SLC35F2: variants seen among roughly 807,000 people sequenced by gnomAD.
The protein encoded by SLC35F2 is solute carrier family 35 member F2.
In SLC35F2, 25 loss-of-function variants were observed where a neutral mutation model predicts 38.1. The observed-to-expected ratio is 0.66, with a 90% CI of 0.48 to 0.92. SLC35F2 has a LOEUF of 0.92. Ranked by LOEUF, SLC35F2 falls within the 40% of genes least tolerant of loss-of-function variation. The pLI is 0.00. For synonymous variants in SLC35F2, 173 were observed against 181.7 expected (o/e 0.95, Z 0.38); for missense variants, 409 against 452.9 (o/e 0.90, Z 0.88).
At chr11:107,844,198 G>C (rs567931409) in intron 1 of SLC35F2, among the ~76,000 whole-genome samples, 1 of 152,096 alleles carries the variant, frequency 6.6e-6, no homozygotes, top group Non-Finnish European at 1.5e-5. Context: ...GACTGCCTGA[G>C]GGGGAAGCCT....
chr11:107,843,672 T>C (rs911930447), intron 1 of SLC35F2, among the ~76,000 whole-genome samples: 7 of 150,778 alleles, frequency 4.6e-5, no homozygotes, highest in Non-Finnish European at 1.0e-4. Flanking sequence ...CTGGGCAAAA[T>C]AGCAAGACCC....
chr11:107,828,433 CA>C (rs201937489), intron 1 of SLC35F2, among the ~76,000 whole-genome samples: 9,947 of 88,454 alleles, frequency 0.11, 454 homozygotes, highest in African/African-American at 0.18. Flanking sequence ...AACTCCATCT[CA>C]AAAAAAAAAA....
At chr11:107,813,733 T>G (rs1198572521) in intron 2 of SLC35F2, among the ~76,000 whole-genome samples, 1 of 152,146 alleles carries the variant, frequency 6.6e-6, no homozygotes, top group Non-Finnish European at 1.5e-5. Context: ...TGGTGTGATC[T>G]TGGCTCACTG....
chr11:107,818,104 G>A (rs1199991884), intron 1 of SLC35F2, among the ~76,000 whole-genome samples: 1 of 129,648 alleles, frequency 7.7e-6, no homozygotes, highest in Non-Finnish European at 1.6e-5. Context: ...AAGAAAGAAA[G>A]AAAGAAAGAA....
Position 107,811,782 on chromosome 11 carries a change from A to T in SLC35F2, c.299T>A (p.Leu100His). ...CCATTTTCTTTTCAAGATTACTAAA[A>T]GGTTATCACTGCCTGGTTGAAAGAA... ...MLAFRSGSDN[L>H]LVILKRKWWK... The change falls in exon 3 of 8, where the codon CTT (leucine) becomes CAT (histidine). Residue 100 changes from leucine (L) to histidine (H), a missense_variant. Physicochemically the swap from Leu to His is moderately conservative, Grantham distance 99 (BLOSUM62 -3). Transcript: ENST00000525815. 6.2e-7 allele frequency: 1 copy of T among 1,613,872 alleles called. No individual in the cohort carries two copies. The highest frequency in any genetic ancestry group is 8.5e-7 in the Non-Finnish European group (1 of 1,179,820).
intron 1 of SLC35F2, among the ~76,000 whole-genome samples, chr11:107,828,699 A>G (rs895458823): frequency 6.6e-6 from 1 of 152,146 alleles, no homozygotes; most frequent in African/African-American, 2.4e-5. Context: ...CTAATAAAAT[A>G]ATGGATCTAG....
intron 1 of SLC35F2, among the ~76,000 whole-genome samples, chr11:107,829,312 G>A (rs1041392381): frequency 6.6e-6 from 1 of 151,622 alleles, no homozygotes; most frequent in Non-Finnish European, 1.5e-5. Flanking sequence ...CCAGCTACTT[G>A]GGAGGCTGAA....
intron 1 of SLC35F2, among the ~76,000 whole-genome samples, chr11:107,824,448 T>C (rs1175493416): frequency 6.6e-6 from 1 of 152,154 alleles, no homozygotes; most frequent in East Asian, 1.9e-4. Context: ...GGATTTAAAT[T>C]TGAAACATGA....
In SLC35F2 at chr11:107,818,072, A is replaced by AAAAGAAAGAAAGAAAG. The variant is rs1163903791; in HGVS notation, c.111-2123_111-2108dup. Among the ~76,000 whole-genome samples, 533 of 68,446 alleles carry AAAAGAAAGAAAGAAAG rather than the reference A, an allele frequency of 7.8e-3. 5 individuals are homozygous for AAAAGAAAGAAAGAAAG. The highest frequency in any genetic ancestry group is 0.016 in the East Asian group (38 of 2,306). 44.9% of individuals were successfully genotyped at this position (68,446 alleles called of 152,430 possible). A position where few individuals can be genotyped will look rare whatever the true frequency, so the allele number is the denominator to read the frequency against. On this transcript the variant is annotated intron_variant, in intron 1 of 7. Transcript: ENST00000525815. The stretch of plus-strand genomic sequence containing the variant: ...ACTCTGTCTCAAAAAAAAAAAAAAA[A>AAAAGAAAGAAAGAAAG]AAAGAAAGAAAGAAAGAAAGAAAGA...
chr11:107,841,126 A>G lies in SLC35F2; in HGVS notation c.110+17532T>C, dbSNP rs78974150. Reference sequence around the variant, plus strand: ...ACACAAGAACGAGGATTATCGGGGAACCTGATGCAAGCCCAAAATTTTGTC... The same window carrying G: ...ACACAAGAACGAGGATTATCGGGGAGCCTGATGCAAGCCCAAAATTTTGTC... On this transcript the variant is annotated intron_variant, in intron 1 of 7. Transcript: ENST00000525815. Among the ~76,000 whole-genome samples, 1,005 of 152,306 alleles carry G rather than the reference A, an allele frequency of 6.6e-3. 2 individuals carry two copies. The highest frequency in any genetic ancestry group is 9.6e-3 in the Non-Finnish European group (653 of 68,020).
rs1859125665 is a variant in SLC35F2 at position 107,791,236 on chromosome 11, C to G, written c.*1379G>C. The G allele has an allele frequency of 6.6e-6, 1 of 152,550 alleles. No homozygotes were observed. The allele number at this position is 152,550 out of a possible 1,614,324, so 9.4% of individuals were successfully genotyped here. A position where few individuals can be genotyped will look rare whatever the true frequency, so the allele number is the denominator to read the frequency against. The stretch of plus-strand genomic sequence containing the variant: ...TAACAGCTGGAGGCTCCCAGGCATA[C>G]TCTTTGGTGAGAAATGATTAATTTT... On this transcript the variant is annotated 3_prime_UTR_variant, in exon 8 of 8. Transcript: ENST00000525815.
chr11:107,812,308 A>G (rs768254670), intron 2 of SLC35F2, among the ~76,000 whole-genome samples: 72 of 152,200 alleles, frequency 4.7e-4, no homozygotes, highest in South Asian at 8.3e-4. Flanking sequence ...ATGAAACCCT[A>G]GTTAAAGTAT....
chr11:107,791,280 G>T lies in SLC35F2; in HGVS notation c.*1335C>A. The T allele has an allele frequency of 6.6e-6, 1 of 152,380 alleles. No individual in the cohort carries two copies. The highest frequency in any genetic ancestry group is 2.4e-5 in the African/African-American group (1 of 41,568). 9.4% of individuals were successfully genotyped at this position (152,380 alleles called of 1,614,324 possible). ...TAATTTTATATTTTCATTTTGATGA[G>T]AATCTTTTCTTGTTTTTACCAGTTA... On this transcript the variant is annotated 3_prime_UTR_variant, in exon 8 of 8. Transcript: ENST00000525815.
At chr11:107,818,574 A>G (rs1407978137) in intron 1 of SLC35F2, among the ~76,000 whole-genome samples, 1 of 152,196 alleles carries the variant, frequency 6.6e-6, no homozygotes, top group South Asian at 2.1e-4. Flanking sequence ...TATTGTTTCA[A>G]AATTTTATAC....
In SLC35F2 at chr11:107,805,372, T is replaced by C; in HGVS notation, c.718A>G (p.Ser240Gly). 6 of 1,613,668 alleles carry C rather than the reference T, an allele frequency of 3.7e-6. No homozygotes were observed. The highest frequency in any genetic ancestry group is 5.1e-6 in the Non-Finnish European group (6 of 1,179,808). The change falls in exon 5 of 8, where the codon AGT (serine) becomes GGT (glycine). Residue 240 changes from serine to glycine, a missense_variant. Ser to Gly is a moderately conservative substitution (Grantham distance 56, BLOSUM62 0). Transcript: ENST00000525815. The stretch of plus-strand genomic sequence containing the variant: ...GTAGAATCTTACAGCTGTATACCAC[T>C]GATAATTGTTCCAAACAGGCCCACC... ...GMVGLFGTIISGIQLLIVEYK... is the reference protein window; with the variant it reads ...GMVGLFGTIIGGIQLLIVEYK...
chr11:107,806,667 CAT>C, intron 4 of SLC35F2, 48 bp downstream of exon 4: 1 of 1,519,970 alleles, frequency 6.6e-7, no homozygotes, highest in Non-Finnish European at 8.9e-7. Context: ...AAAGTGAAAA[CAT>C]AAACAAATTT....
At chr11:107,831,880 C>G (rs539257351) in intron 1 of SLC35F2, among the ~76,000 whole-genome samples, 3 of 152,284 alleles carry the variant, frequency 2.0e-5, no homozygotes, top group Admixed American at 2.0e-4. Flanking sequence ...TGTCAGCCTT[C>G]TTATCTACTA....
intron 7 of SLC35F2, among the ~76,000 whole-genome samples, chr11:107,799,585 T>C (rs1259345306): frequency 1.4e-5 from 2 of 145,436 alleles, no homozygotes; most frequent in Non-Finnish European, 3.0e-5. Context: ...TATTTATTTA[T>C]TTTACTTTTT....
rs186851665 is a variant in SLC35F2, at chr11:107,826,389, C to G, written c.111-10424G>C. 2.3e-3 allele frequency among the ~76,000 whole-genome samples: 345 copies of G among 152,018 alleles called. 2 individuals are homozygous for G. Among genetic ancestry groups the G allele is most frequent in the African/African-American group, 8.0e-3 (331 of 41,420 alleles). On this transcript the variant is annotated intron_variant, in intron 1 of 7. Coordinates refer to ENST00000525815, the MANE Select transcript of SLC35F2 (RefSeq NM_017515.5). ...CTTCCCAAGTAGCTGGGATTACAGG[C>G]ATGTGCCACCACGTCCAACCAATTT...
Sources: allele counts gnomAD v4.1 joint callset (sites outside exome capture counted in the v4.1 genomes callset), GRCh38; gene constraint gnomAD v4.1.1; transcripts MANE v1.5; gene names NCBI Gene and HGNC (gene_info 2026-07-23, HGNC 2026-07-21).